The following KATNAL1 variants were observed in gnomAD, a reference collection of about 807,000 sequenced individuals.
The protein encoded by KATNAL1 is katanin p60 ATPase-containing subunit A-like 1.
KATNAL1 carries 32 observed loss-of-function variants against 55.2 expected under a neutral mutation model. The observed-to-expected ratio is 0.58, with a 90% CI of 0.44 to 0.78. The LOEUF (loss-of-function observed/expected upper bound fraction) is 0.78, where lower values mean the gene tolerates loss of function less well. KATNAL1 is among the 30% of genes least tolerant of loss of function. The probability of loss-of-function intolerance (pLI) is 0.00; values close to 1 mark genes in which losing one functional copy is unlikely to be tolerated. For synonymous variants in KATNAL1, 193 were observed against 193.6 expected (o/e 1.00, Z 0.02); for missense variants, 466 against 600.9 (o/e 0.78, Z 2.35).
intron 8 of KATNAL1, among the ~76,000 whole-genome samples, chr13:30,228,979 C>T (rs1875800735): frequency 6.6e-6 from 1 of 152,216 alleles, no homozygotes; most frequent in Admixed American, 6.5e-5. Context: ...TTTTGAACTC[C>T]TGGCCTCAAG....
chr13:30,261,285 C>T lies in KATNAL1; in HGVS notation c.324-5670G>A, dbSNP rs1302512568. On this transcript the variant is annotated intron_variant, in intron 3 of 10. Transcript: ENST00000380615. ...AATCATGCCAAAATGTAAAGACCAT[C>T]GAGACTAGGAAGAAACTGCATCAAC... is the stretch of plus-strand genomic sequence containing the variant. 2.6e-5 allele frequency among the ~76,000 whole-genome samples: 4 copies of T among 152,058 alleles called. No homozygotes were observed. The East Asian group carries it at 5.8e-4, about 22-fold the overall frequency.
chr13:30,294,054 C>CCT (rs981694935), intron 1 of KATNAL1, among the ~76,000 whole-genome samples: 1 of 151,814 alleles, frequency 6.6e-6, no homozygotes. Context: ...AGGCTGTTGC[C>CCT]CTCTCTCTCT....
At chr13:30,281,979 A>G (rs763687356) in intron 2 of KATNAL1, 8 of 152,200 alleles carry the variant, frequency 5.3e-5, no homozygotes, top group African/African-American at 7.2e-5. Flanking sequence ...TTGTTTAAAC[A>G]TCATTGAAGA....
chr13:30,240,806 C>T (rs202094), intron 5 of KATNAL1, among the ~76,000 whole-genome samples, 153 bp downstream of exon 5: 48,699 of 152,094 alleles, frequency 0.32, 8,290 homozygotes, highest in Admixed American at 0.45. Flanking sequence ...TCCTTGGTTA[C>T]ATTCGACAGA....
In KATNAL1 at chr13:30,217,307, A is replaced by T. The variant is rs1296218327; in HGVS notation, c.1148-6865T>A. 3.3e-5 allele frequency among the ~76,000 whole-genome samples: 5 copies of T among 152,230 alleles called. No homozygotes were observed. In the East Asian group the frequency reaches 9.7e-4, roughly 29 times the overall value. On this transcript the variant is annotated intron_variant, in intron 9 of 10. Coordinates refer to ENST00000380615, the MANE Select transcript of KATNAL1 (RefSeq NM_032116.5). The stretch of plus-strand genomic sequence containing the variant: ...GTCTACTAAAAATACAAAAAAAATT[A>T]GCCAGGCGTGGTGGCGGACAACTGT...
intron 3 of KATNAL1, among the ~76,000 whole-genome samples, chr13:30,261,431 A>G (rs1172628601): frequency 3.3e-5 from 5 of 152,382 alleles, no homozygotes; most frequent in Non-Finnish European, 5.9e-5. Flanking sequence ...GGCAAATTGG[A>G]TAGAGTCAAG....
Position 30,210,407 on chromosome 13 carries a change from G to A in KATNAL1, c.1183C>T (p.Arg395Cys), listed in dbSNP as rs1344358222. The A allele has an allele frequency of 5.6e-6, 9 of 1,603,938 alleles. No individual in the cohort carries two copies. Among genetic ancestry groups the A allele is most frequent in the East Asian group, 2.3e-5 (1 of 43,798 alleles). ...ATATCAGGATCTAATTCGACCTCAC[G>A]AAGGTTGATCTTCAGAAGCTCAGCT... Reference protein sequence around the residue: ...GRAELLKINLREVELDPDIQL... With the variant: ...GRAELLKINLCEVELDPDIQL... The change falls in exon 10 of 11, where the codon CGT becomes TGT. Residue 395 changes from arginine to cysteine, a missense_variant. This residue lies in a region of KATNAL1 where 213 missense variants were observed against 308.6 expected (regional missense o/e 0.69). Transcript: ENST00000380615.
intron 3 of KATNAL1, among the ~76,000 whole-genome samples, chr13:30,261,906 AGAATAT>A (rs1566113888): frequency 6.6e-6 from 1 of 152,076 alleles, no homozygotes; most frequent in Non-Finnish European, 1.5e-5. Flanking sequence ...CCAAATCAAC[AGAATAT>A]ACATTTTTTT....
intron 8 of KATNAL1, 131 bp from the exon 9 acceptor site, chr13:30,227,677 T>TTTTGCCACCACACAGA: frequency 1.3e-6 from 1 of 759,544 alleles, no homozygotes; most frequent in African/African-American, 1.8e-5. Flanking sequence ...CTCTGTGTGG[T>TTTTGCCACCACACAGA]GGCAAAACCA....
Position 30,274,557 on chromosome 13 carries a change from G to A in KATNAL1, c.323+5506C>T, listed in dbSNP as rs1253481644. Among the ~76,000 whole-genome samples the A allele has an allele frequency of 3.9e-5, 6 of 152,232 alleles. No individual in the cohort carries two copies. In the South Asian group the frequency reaches 8.3e-4, roughly 21 times the overall value. ...TACAGAAGAAATAAAATAATTTCAG[G>A]CTTGTGTGTCCTGTTCTTACTGCTA... On this transcript the variant is annotated intron_variant, in intron 3 of 10. Coordinates refer to ENST00000380615, the MANE Select transcript of KATNAL1 (RefSeq NM_032116.5).
chr13:30,296,161 T>C (rs1593186009), intron 1 of KATNAL1: 3 of 555,082 alleles, frequency 5.4e-6, no homozygotes, highest in East Asian at 7.2e-5. Context: ...CCTCAGGTAA[T>C]GCGTGCATGG....
In KATNAL1 at chr13:30,220,466, A is replaced by G. The variant is rs544302145; in HGVS notation, c.1147+6946T>C. Among the ~76,000 whole-genome samples, 26 of 152,284 alleles carry G rather than the reference A, an allele frequency of 1.7e-4. No individual in the cohort carries two copies. The South Asian group carries it at 5.4e-3, about 32-fold the overall frequency. On this transcript the variant is annotated intron_variant, in intron 9 of 10. Coordinates refer to ENST00000380615, the MANE Select transcript of KATNAL1 (RefSeq NM_032116.5). ...ACAGAGCAAGACTCCATCTCAAAAA[A>G]ACAAACAAACAAAAACATGGATGAA...
At chr13:30,283,259 T>A in intron 2 of KATNAL1, among the ~76,000 whole-genome samples, 1 of 71,896 alleles carries the variant, frequency 1.4e-5, no homozygotes. Flanking sequence ...AGAACAAGAC[T>A]CTGTCTCAAA....
At chr13:30,210,175 G>C in intron 10 of KATNAL1, 141 bp downstream of exon 10, 1 of 537,476 alleles carries the variant, frequency 1.9e-6, no homozygotes, top group South Asian at 6.4e-5. Context: ...AAAAAAAAAG[G>C]GACAAATGGG....
rs1244081352 is a variant in KATNAL1, at chr13:30,231,258, G to A, written c.885+56C>T. ...TTCCAGGTGGACAGAACTGATTTAT[G>A]GGGGCATCATAGGCCTACACACACT... is the stretch of plus-strand genomic sequence containing the variant. On this transcript the variant is annotated intron_variant, in intron 7 of 10. Transcript: ENST00000380615. The A allele has an allele frequency of 2.9e-6, 4 of 1,376,052 alleles. No individual in the cohort carries two copies. In the East Asian group the frequency reaches 7.4e-5, roughly 26 times the overall value. 85.2% of individuals were successfully genotyped at this position (1,376,052 alleles called of 1,614,324 possible).
At chr13:30,290,943 G>A (rs969607842) in intron 1 of KATNAL1, among the ~76,000 whole-genome samples, 1 of 152,048 alleles carries the variant, frequency 6.6e-6, no homozygotes, top group Non-Finnish European at 1.5e-5. Flanking sequence ...AAGAATAAAA[G>A]GCAATTTACT....
At chr13:30,256,252 A>T (rs1878773939) in intron 3 of KATNAL1, among the ~76,000 whole-genome samples, 1 of 152,238 alleles carries the variant, frequency 6.6e-6, no homozygotes, top group African/African-American at 2.4e-5. Flanking sequence ...GTGATTAAAA[A>T]TTTTGATAAA....
intron 9 of KATNAL1, among the ~76,000 whole-genome samples, chr13:30,224,878 T>C (rs548700710): frequency 3.3e-4 from 50 of 152,312 alleles, no homozygotes; most frequent in African/African-American, 1.2e-3. Context: ...TGGAATTTCA[T>C]TTCCCAGAAT....
At chr13:30,284,745 T>A (rs1226224767) in intron 1 of KATNAL1, among the ~76,000 whole-genome samples, 1 of 152,202 alleles carries the variant, frequency 6.6e-6, no homozygotes, top group African/African-American at 2.4e-5. Context: ...TTCTATAAGA[T>A]GTTAGTTAGA....
Sources: gnomAD v4.1 joint callset for allele counts (sites outside exome capture counted in the v4.1 genomes callset) on GRCh38, gnomAD v4.1.1 for gene constraint, gnomAD v4.1.1 regional missense constraint, MANE v1.5 for transcripts, NCBI Gene and HGNC (gene_info 2026-07-23, HGNC 2026-07-21) for gene names.